Variants in PIK3C2G observed in about 807,000 individuals in gnomAD.
PIK3C2G encodes the protein phosphatidylinositol 3-kinase C2 domain-containing subunit gamma.
Under a neutral mutation model 181.1 loss-of-function variants are expected in PIK3C2G, and 168 were observed. The ratio of observed to expected loss-of-function variants is 0.93; its 90% CI spans 0.82 to 1.05. PIK3C2G has a LOEUF of 1.05. PIK3C2G is among the 50% of genes least tolerant of loss of function. The pLI is 0.00. For synonymous variants in PIK3C2G, 573 were observed against 592.2 expected (o/e 0.97, Z 0.47); for missense variants, 1,869 against 1,732.8 (o/e 1.08, Z -1.40).
At chr12:18,338,661 ATCTG>A (rs756351769) in intron 9 of PIK3C2G, 113 bp downstream of exon 9, 3 of 544,916 alleles carry the variant, frequency 5.5e-6, no homozygotes, top group Non-Finnish European at 9.7e-6. Context: ...GTTTGTGTGT[ATCTG>A]TGTGTGTGTG....
chr12:18,357,287 C>T (rs1940829930), intron 11 of PIK3C2G, among the ~76,000 whole-genome samples: 1 of 151,526 alleles, frequency 6.6e-6, no homozygotes, highest in African/African-American at 2.4e-5. Context: ...ATAGTTTTGT[C>T]AGGAGGTGTG....
chr12:18,462,619 G>C (rs1309859666), intron 18 of PIK3C2G, among the ~76,000 whole-genome samples: 1 of 152,162 alleles, frequency 6.6e-6, no homozygotes. Flanking sequence ...AAAGCTAAAT[G>C]AAACAACTGC....
At chr12:18,557,781 G>A (rs1004462201) in intron 26 of PIK3C2G, among the ~76,000 whole-genome samples, 5 of 152,150 alleles carry the variant, frequency 3.3e-5, no homozygotes, top group Non-Finnish European at 1.5e-5. Flanking sequence ...TGAATTAAAA[G>A]TTAGTACAAG....
intron 31 of PIK3C2G, among the ~76,000 whole-genome samples, chr12:18,610,284 G>C (rs148969009): frequency 1.3e-5 from 2 of 152,164 alleles, no homozygotes; most frequent in African/African-American, 2.4e-5. Context: ...GGTTCTCCAC[G>C]TGGTATAACT....
At chr12:18,538,107 C>T in intron 24 of PIK3C2G, 49 bp from the exon 25 acceptor site, 1 of 1,546,116 alleles carries the variant, frequency 6.5e-7, no homozygotes, top group Non-Finnish European at 8.8e-7. Flanking sequence ...TTTAACCTGA[C>T]AAACCATTTC....
chr12:18,274,149 A>G lies in PIK3C2G; in HGVS notation c.-78-7855A>G, dbSNP rs1046196255. Among the ~76,000 whole-genome samples the G allele has an allele frequency of 1.6e-4, 25 of 152,330 alleles. 1 individual carries two copies. The highest frequency in any genetic ancestry group is 5.8e-4 in the African/African-American group (24 of 41,580). ...AATGGTGATCATTAAAAAGTCAGGA[A>G]ACAACAGGAGCTGGAGAGGATGTGG... is the stretch of plus-strand genomic sequence containing the variant. On this transcript the variant is annotated intron_variant, in intron 1 of 32. Coordinates refer to ENST00000538779, the MANE Select transcript of PIK3C2G (RefSeq NM_001288772.2).
the PIK3C2G span, among the ~76,000 whole-genome samples, chr12:18,682,223 A>G: frequency 1.3e-5 from 2 of 152,092 alleles, no homozygotes; most frequent in African/African-American, 2.4e-5. Flanking sequence ...AACATTTAGT[A>G]CTGAGAGTAA....
the PIK3C2G span, chr12:18,694,794 A>G: frequency 1.2e-6 from 1 of 856,892 alleles, no homozygotes; most frequent in South Asian, 1.9e-5. Context: ...GTACCTGAAA[A>G]GATTAACAGA....
intron 18 of PIK3C2G, 42 bp downstream of exon 18, chr12:18,424,081 C>CCCATAGAGAAGGTGGCAATTAAA: frequency 8.6e-7 from 1 of 1,167,502 alleles, no homozygotes; most frequent in Non-Finnish European, 1.3e-6. Flanking sequence ...TTTTAATTGC[C>CCCATAGAGAAGGTGGCAATTAAA]ACCTTCTCTA....
intron 16 of PIK3C2G, among the ~76,000 whole-genome samples, chr12:18,415,021 C>T (rs1945097018): frequency 6.6e-6 from 1 of 152,086 alleles, no homozygotes; most frequent in African/African-American, 2.4e-5. Context: ...AAATTATTCC[C>T]AGCATTTGCA....
chr12:18,701,699 A>G, the PIK3C2G span: 1 of 1,612,576 alleles, frequency 6.2e-7, no homozygotes, highest in Non-Finnish European at 8.5e-7. Context: ...TACCACGCTT[A>G]TCAGAACCTT....
At chr12:18,483,473 C>A (rs1473363518) in intron 18 of PIK3C2G, among the ~76,000 whole-genome samples, 1 of 151,942 alleles carries the variant, frequency 6.6e-6, no homozygotes, top group South Asian at 2.1e-4. Flanking sequence ...ATATACATGT[C>A]CAAGTAAGCT....
chr12:18,343,262 TACTATTTG>T, intron 9 of PIK3C2G, 57 bp from the exon 10 acceptor site: 1 of 820,058 alleles, frequency 1.2e-6, no homozygotes, highest in Non-Finnish European at 2.0e-6. Flanking sequence ...TTTTGGACAT[TACTATTTG>T]ACTATTTTGT....
intron 14 of PIK3C2G, among the ~76,000 whole-genome samples, chr12:18,384,807 C>T (rs1943064736): frequency 6.6e-6 from 1 of 152,144 alleles, no homozygotes; most frequent in African/African-American, 2.4e-5. Flanking sequence ...AATCATTCCA[C>T]AGTATGCGAA....
chr12:18,618,015 A>G lies in PIK3C2G; in HGVS notation c.4182+8386A>G, dbSNP rs561813502. 3.9e-5 allele frequency among the ~76,000 whole-genome samples: 6 copies of G among 152,332 alleles called. No individual in the cohort carries two copies. The South Asian group carries it at 1.2e-3, about 32-fold the overall frequency. ...ATGAAAATATATTTTTTAAAACTAT[A>G]TAAGACACCTTAATAATAAACAAAA... is the stretch of plus-strand genomic sequence containing the variant. On this transcript the variant is annotated intron_variant, in intron 31 of 32. Coordinates refer to ENST00000538779, the MANE Select transcript of PIK3C2G (RefSeq NM_001288772.2).
intron 1 of PIK3C2G, among the ~76,000 whole-genome samples, chr12:18,274,739 C>T (rs932882678): frequency 6.6e-6 from 1 of 152,066 alleles, no homozygotes; most frequent in East Asian, 1.9e-4. Context: ...ACCAACATGG[C>T]ACATGTATCC....
In PIK3C2G at chr12:18,548,267, A is replaced by G. The variant is rs1415283982; in HGVS notation, c.3590+1835A>G. Among the ~76,000 whole-genome samples the G allele has an allele frequency of 4.6e-5, 7 of 152,148 alleles. No individual in the cohort carries two copies. The South Asian group carries it at 1.2e-3, about 27-fold the overall frequency. ...GCATGGAGAAAGCTAGGGAAGGTAG[A>G]AAAAAGGAATGCAAAGTTGGACTGC... On this transcript the variant is annotated intron_variant, in intron 26 of 32. Transcript: ENST00000538779.
chr12:18,545,215 A>G (rs148258622), intron 25 of PIK3C2G, among the ~76,000 whole-genome samples: 3 of 151,986 alleles, frequency 2.0e-5, no homozygotes, highest in East Asian at 3.9e-4. Context: ...TTCTGCAGAC[A>G]TATTAAAGAC....
At chr12:18,643,300 C>T (rs1042746284) in intron 32 of PIK3C2G, among the ~76,000 whole-genome samples, 1 of 152,038 alleles carries the variant, frequency 6.6e-6, no homozygotes, top group African/African-American at 2.4e-5. Flanking sequence ...ATACTTGTAG[C>T]ATGAATAGAC....
Sources: allele counts gnomAD v4.1 joint callset (sites outside exome capture counted in the v4.1 genomes callset), GRCh38; gene constraint gnomAD v4.1.1; transcripts MANE v1.5; gene names NCBI Gene and HGNC (gene_info 2026-07-23, HGNC 2026-07-21).